VPS13A: variants seen among roughly 807,000 people sequenced by gnomAD.
VPS13A encodes intermembrane lipid transfer protein VPS13A.
A neutral mutation model predicts 390.9 loss-of-function variants in VPS13A; 264 were observed. That is an observed-to-expected ratio of 0.68 (90% CI 0.61 to 0.75). The LOEUF is 0.75. Among genes scored for constraint, VPS13A ranks in the 30% least tolerant of loss-of-function variants. The pLI, the probability that VPS13A is intolerant of heterozygous loss-of-function variation, is 0.00. For synonymous variants in VPS13A, 1,231 were observed against 1,227.1 expected (o/e 1.00, Z -0.07); for missense variants, 3,409 against 3,733.9 (o/e 0.91, Z 2.27).
chr9:77,356,996 A>G (rs1358384636), intron 55 of VPS13A, 129 bp downstream of exon 55: 1 of 1,060,486 alleles, frequency 9.4e-7, no homozygotes, highest in Admixed American at 2.2e-5. Flanking sequence ...CATACCTTGT[A>G]TAAAATGTTT....
chr9:77,341,045 C>T (rs1563940042), intron 50 of VPS13A, among the ~76,000 whole-genome samples: 1 of 152,144 alleles, frequency 6.6e-6, no homozygotes, highest in Non-Finnish European at 1.5e-5. Context: ...TTTTGAAGAA[C>T]TTTTATTCTA....
chr9:77,333,231 A>ATC (rs1286206627), intron 46 of VPS13A, among the ~76,000 whole-genome samples: 1 of 152,156 alleles, frequency 6.6e-6, no homozygotes, highest in Non-Finnish European at 1.5e-5. Flanking sequence ...TATATTTTGT[A>ATC]TCTCTGTCCA....
chr9:77,352,818 T>G (rs1831544261), intron 53 of VPS13A, among the ~76,000 whole-genome samples: 1 of 152,136 alleles, frequency 6.6e-6, no homozygotes, highest in Admixed American at 6.5e-5. Flanking sequence ...AGTAAAATTT[T>G]CTGAAAATCA....
chr9:77,321,727 A>T lies in VPS13A; in HGVS notation c.5811A>T (p.Lys1937Asn). ...ATGCAATGACCAGCCTAAGCAGCAA[A>T]CTCTTCTTCATTCTTCTTAGTAAGT... ...HFNAMTSLSS[K>N]LFFILLTPVN... The change falls in exon 44 of 72, where the codon AAA (lysine) becomes AAT (asparagine). Residue 1937 changes from lysine to asparagine, a missense_variant. Around this residue, in one of 5 missense-constraint regions of VPS13A, gnomAD observed 2,717 missense variants for 2,917.4 expected, o/e 0.93. Transcript: ENST00000360280. 1 of 1,612,938 alleles carries T rather than the reference A, an allele frequency of 6.2e-7. No individual in the cohort carries two copies. Among genetic ancestry groups the T allele is most frequent in the Non-Finnish European group, 8.5e-7 (1 of 1,179,382 alleles).
chr9:77,329,951 C>T (rs184176306), intron 45 of VPS13A, among the ~76,000 whole-genome samples: 2 of 152,192 alleles, frequency 1.3e-5, no homozygotes, highest in African/African-American at 4.8e-5. Context: ...GTTGTGTAGT[C>T]ATAAACTTTA....
In VPS13A at chr9:77,403,257, G is replaced by T; in HGVS notation, c.9211G>T (p.Ala3071Ser). Residue 3071 changes from alanine (A) to serine (S), a missense_variant, in exon 69 of 72, where the codon GCA becomes TCA. Transcript: ENST00000360280. ...TTAGGTCATGGAAAATGGAAGATTT[G>T]CAAAATACAAATATTTTACCCATGT... The part of the protein sequence containing the change: ...MLQVMENGRF[A>S]KYKYFTHVMI... 5 of 1,611,956 alleles carry T rather than the reference G, an allele frequency of 3.1e-6. No homozygotes were observed. The highest frequency in any genetic ancestry group is 3.4e-6 in the Non-Finnish European group (4 of 1,179,382).
intron 45 of VPS13A, among the ~76,000 whole-genome samples, chr9:77,325,030 C>T (rs1023802933): frequency 1.3e-5 from 2 of 152,062 alleles, no homozygotes; most frequent in East Asian, 3.9e-4. Flanking sequence ...CCATCCCCTG[C>T]AGGGACACCA....
chr9:77,411,578 G>A (rs1834924314), intron 71 of VPS13A, among the ~76,000 whole-genome samples: 1 of 145,792 alleles, frequency 6.9e-6, no homozygotes, highest in Non-Finnish European at 1.5e-5. Context: ...CAGGAGAATG[G>A]CATGAACCTG....
chr9:77,372,583 G>A (rs1274480421), intron 67 of VPS13A, among the ~76,000 whole-genome samples: 1 of 152,032 alleles, frequency 6.6e-6, no homozygotes, highest in Non-Finnish European at 1.5e-5. Flanking sequence ...ACAAGACAGG[G>A]ATGCCCTCTC....
rs1330264113 is a variant in VPS13A at position 77,295,974 on chromosome 9, T to C, written c.3812+128T>C. On this transcript the variant is annotated intron_variant, in intron 33 of 71. Transcript: ENST00000360280. ...TTAATTATACATAACTTAGTGATTC[T>C]CTCTTCCTTAAGTATATTTTGGCAA... 4 of 996,378 alleles carry C rather than the reference T, an allele frequency of 4.0e-6. No individual in the cohort carries two copies. The African/African-American group carries it at 4.9e-5, about 12-fold the overall frequency. 61.7% of individuals were successfully genotyped at this position (996,378 alleles called of 1,614,324 possible).
intron 1 of VPS13A, among the ~76,000 whole-genome samples, chr9:77,194,590 A>G (rs1463946974): frequency 3.9e-5 from 6 of 152,064 alleles, no homozygotes; most frequent in Non-Finnish European, 7.4e-5. Context: ...TGTCTTTGCA[A>G]CCTCAAATGT....
intron 68 of VPS13A, among the ~76,000 whole-genome samples, chr9:77,383,925 G>T (rs541274215): frequency 2.5e-4 from 38 of 149,968 alleles, no homozygotes; most frequent in African/African-American, 9.0e-4. Flanking sequence ...TTTCTTACAG[G>T]TATAAAAAGT....
At chr9:77,320,267 C>A (rs561310202) in intron 42 of VPS13A, among the ~76,000 whole-genome samples, 5 of 152,088 alleles carry the variant, frequency 3.3e-5, no homozygotes, top group African/African-American at 4.8e-5. Context: ...GCTGCAGAGG[C>A]GTTAAATCCA....
chr9:77,410,715 A>G (rs1834879450), intron 71 of VPS13A, among the ~76,000 whole-genome samples: 1 of 152,160 alleles, frequency 6.6e-6, no homozygotes, highest in African/African-American at 2.4e-5. Context: ...ACATAATGGT[A>G]AAGGGATCAA....
At chr9:77,352,814 A>T (rs1563950866) in intron 53 of VPS13A, among the ~76,000 whole-genome samples, 1 of 152,120 alleles carries the variant, frequency 6.6e-6, no homozygotes, top group Non-Finnish European at 1.5e-5. Flanking sequence ...ATATAGTAAA[A>T]TTTTCTGAAA....
At chr9:77,365,715 T>C (rs138816330) in intron 60 of VPS13A, 142 bp downstream of exon 60, 181 of 557,074 alleles carry the variant, frequency 3.2e-4, no homozygotes, top group African/African-American at 3.0e-3. Flanking sequence ...CCTTTTACAT[T>C]TTTATTTATT....
At chr9:77,316,051 C>A in intron 38 of VPS13A, 123 bp from the exon 39 acceptor site, 1 of 458,754 alleles carries the variant, frequency 2.2e-6, no homozygotes, top group Non-Finnish European at 3.1e-6. Context: ...GTAGTTGATT[C>A]CTTTGGGATC....
At chr9:77,275,184 G>A (rs761518703) in intron 24 of VPS13A, among the ~76,000 whole-genome samples, 5 of 152,004 alleles carry the variant, frequency 3.3e-5, no homozygotes, top group Non-Finnish European at 5.9e-5. Context: ...GGCATTTCCT[G>A]TAAAATTTAA....
intron 68 of VPS13A, 41 bp from the exon 69 acceptor site, chr9:77,403,195 T>A (rs751791792): frequency 1.4e-6 from 2 of 1,455,700 alleles, no homozygotes. Context: ...CAGTAGGAAA[T>A]ACTATCAATT....
Sources: gnomAD v4.1 joint callset for allele counts (sites outside exome capture counted in the v4.1 genomes callset) on GRCh38, gnomAD v4.1.1 for gene constraint, gnomAD v4.1.1 regional missense constraint, MANE v1.5 for transcripts, NCBI Gene and HGNC (gene_info 2026-07-23, HGNC 2026-07-21) for gene names.